Variants in DAB1 observed in about 807,000 individuals in gnomAD.
DAB1 encodes the protein DAB adaptor protein 1, also known as disabled homolog 1.
Under a neutral mutation model 64.6 loss-of-function variants are expected in DAB1, and 15 were observed. The ratio of observed to expected loss-of-function variants is 0.23; its 90% CI spans 0.16 to 0.36. The LOEUF (loss-of-function observed/expected upper bound fraction) is 0.36. Among genes scored for constraint, DAB1 ranks in the 10% least tolerant of loss-of-function variants. The pLI is 1.00. For missense variants in DAB1, 596 were observed against 706.7 expected (o/e 0.84, Z 1.78); for synonymous variants, 235 against 251.9 (o/e 0.93, Z 0.64).
At position 57,583,400 on chromosome 1, in the gene DAB1, C is replaced by T. The variant is rs371341898; in HGVS notation, n.625+66192G>A. ...CTCCCAGGTTCAAGCAATTCTCCTG[C>T]CTCAGCCTCCCAAGTAGCTGGGACT... is the stretch of plus-strand genomic sequence containing the variant. On this transcript the variant is annotated intron_variant and non_coding_transcript_variant, in intron 7 of 20. Coordinates refer to the DAB1 transcript ENST00000485760. Among the ~76,000 whole-genome samples the T allele has an allele frequency of 4.0e-5, 6 of 151,632 alleles. No homozygotes were observed. In the South Asian group the frequency reaches 8.3e-4, roughly 21 times the overall value.
chr1:57,375,015 C>G (rs1022370135), intron 1 of DAB1, among the ~76,000 whole-genome samples: 1 of 152,126 alleles, frequency 6.6e-6, no homozygotes, highest in Non-Finnish European at 1.5e-5. Context: ...TCCAGAATCA[C>G]AAATCATAAC....
intron 6 of DAB1, among the ~76,000 whole-genome samples, chr1:57,820,531 T>C (rs1212396265): frequency 1.3e-5 from 2 of 152,232 alleles, no homozygotes; most frequent in East Asian, 3.9e-4. Flanking sequence ...ACTCTACCTC[T>C]ATTTAAAATC....
At chr1:58,533,119 A>G (rs557699982) in intron 1 of DAB1, among the ~76,000 whole-genome samples, 43 of 152,366 alleles carry the variant, frequency 2.8e-4, no homozygotes, top group African/African-American at 9.6e-4. Context: ...TTTTAAATGA[A>G]TAACAATTTA....
chr1:58,093,218 C>A (rs1184164303), intron 5 of DAB1, among the ~76,000 whole-genome samples: 1 of 152,152 alleles, frequency 6.6e-6, no homozygotes, highest in Non-Finnish European at 1.5e-5. Context: ...TGACAGCTGG[C>A]CATGGGGGCG....
chr1:58,204,240 T>C (rs1485271406), intron 4 of DAB1, among the ~76,000 whole-genome samples: 2 of 152,244 alleles, frequency 1.3e-5, no homozygotes, highest in African/African-American at 2.4e-5. Context: ...ATTGGTTTGG[T>C]TGGGAGGGAG....
At chr1:57,747,707 G>T (rs554538390) in intron 6 of DAB1, among the ~76,000 whole-genome samples, 4 of 151,228 alleles carry the variant, frequency 2.6e-5, no homozygotes, top group African/African-American at 9.7e-5. Context: ...TACTTGGGAG[G>T]GTGAGGCAGG....
chr1:57,859,096 C>T (rs1368171326), intron 1 of DAB1, among the ~76,000 whole-genome samples: 1 of 151,732 alleles, frequency 6.6e-6, no homozygotes, highest in Non-Finnish European at 1.5e-5. Context: ...GAGAACAGAA[C>T]TTCCCTAAGC....
At chr1:57,766,157 A>T (rs1436813134) in intron 6 of DAB1, among the ~76,000 whole-genome samples, 1 of 151,854 alleles carries the variant, frequency 6.6e-6, no homozygotes, top group Non-Finnish European at 1.5e-5. Flanking sequence ...CACCACAGCT[A>T]ATGCTACCAC....
intron 6 of DAB1, among the ~76,000 whole-genome samples, chr1:57,688,970 C>A (rs575455745): frequency 2.6e-5 from 4 of 152,288 alleles, no homozygotes; most frequent in Non-Finnish European, 4.4e-5. Context: ...TGGTACTATG[C>A]TCACTACCTG....
chr1:58,032,090 C>A (rs1054009369), intron 5 of DAB1, among the ~76,000 whole-genome samples: 1 of 151,184 alleles, frequency 6.6e-6, no homozygotes, highest in East Asian at 2.0e-4. Context: ...TATGGACAAG[C>A]AGTATCTGCA....
chr1:57,953,190 C>A (rs1296652565), intron 5 of DAB1, among the ~76,000 whole-genome samples: 1 of 152,202 alleles, frequency 6.6e-6, no homozygotes, highest in Non-Finnish European at 1.5e-5. Flanking sequence ...ATCCCAGCTT[C>A]TTTATCTGAA....
At position 58,300,612 on chromosome 1, in the gene DAB1, G is replaced by GAAAGAAAGAAAGAA. The variant is rs1456432665; in HGVS notation, n.309+42739_309+42740insTTCTTTCTTTCTTT. Among the ~76,000 whole-genome samples the GAAAGAAAGAAAGAA allele has an allele frequency of 4.5e-3, 199 of 44,524 alleles. 1 individual carries two copies. Among genetic ancestry groups the GAAAGAAAGAAAGAA allele is most frequent in the African/African-American group, 0.012 (164 of 13,598 alleles). The allele number at this position is 44,524 out of a possible 152,430, so 29.2% of individuals were successfully genotyped here. On this transcript the variant is annotated intron_variant and non_coding_transcript_variant, in intron 4 of 20. Transcript: ENST00000485760. Reference sequence around the variant, plus strand: ...AGAAAGAAAGAAAGAAAGAAAGAAAGAGAGAGAGAGAGAGAGAGAGAGAGA... The same window carrying GAAAGAAAGAAAGAA: ...AGAAAGAAAGAAAGAAAGAAAGAAAGAAAGAAAGAAAGAAAGAGAGAGAGAGAGAGAGAGAGAGA...
At chr1:58,166,832 G>A (rs574913949) in intron 4 of DAB1, among the ~76,000 whole-genome samples, 12 of 148,566 alleles carry the variant, frequency 8.1e-5, no homozygotes, top group South Asian at 2.1e-4. Flanking sequence ...TGCAACCTCC[G>A]CCCCCCAGGT....
intron 1 of DAB1, among the ~76,000 whole-genome samples, chr1:57,387,935 C>T (rs995254540): frequency 6.6e-6 from 1 of 151,812 alleles, no homozygotes; most frequent in Non-Finnish European, 1.5e-5. Flanking sequence ...TCAACTACAC[C>T]CACCTATGAT....
chr1:57,546,149 GAA>G (rs1359289222), intron 7 of DAB1, among the ~76,000 whole-genome samples: 1 of 151,776 alleles, frequency 6.6e-6, no homozygotes, highest in Non-Finnish European at 1.5e-5. Flanking sequence ...AATGGGGAGA[GAA>G]GAGAAGGTAA....
chr1:57,302,144 G>A (rs190242744), intron 1 of DAB1, among the ~76,000 whole-genome samples: 11 of 152,194 alleles, frequency 7.2e-5, no homozygotes, highest in African/African-American at 1.9e-4. Flanking sequence ...TGTGCTTGAC[G>A]GGAAGCAACC....
chr1:57,277,621 C>T (rs1201428439), intron 2 of DAB1, among the ~76,000 whole-genome samples: 2 of 152,190 alleles, frequency 1.3e-5, no homozygotes, highest in African/African-American at 2.4e-5. Context: ...TTCAGAATGA[C>T]ATTCAATGTC....
intron 6 of DAB1, among the ~76,000 whole-genome samples, chr1:57,804,738 C>A (rs1211630440): frequency 6.6e-6 from 1 of 152,124 alleles, no homozygotes; most frequent in Non-Finnish European, 1.5e-5. Context: ...AAGGAATATC[C>A]AATTAGAGGC....
rs1412592006 is a variant in DAB1 at position 57,392,365 on chromosome 1, G to C, written c.-137+31565C>G. 5.3e-5 allele frequency among the ~76,000 whole-genome samples: 8 copies of C among 152,190 alleles called. No individual in the cohort carries two copies. In the South Asian group the frequency reaches 6.2e-4, roughly 12 times the overall value. ...TCAGCCTGGGTGACAGAGCGAGACTGTCTCAAAACAACAACAACAACGACA... is the reference window on the plus strand; with the variant it reads ...TCAGCCTGGGTGACAGAGCGAGACTCTCTCAAAACAACAACAACAACGACA... On this transcript the variant is annotated intron_variant, in intron 1 of 14. Transcript: ENST00000371236.
Sources: allele counts gnomAD v4.1 joint callset (sites outside exome capture counted in the v4.1 genomes callset), GRCh38; gene constraint gnomAD v4.1.1; transcripts MANE v1.5; gene names NCBI Gene and HGNC (gene_info 2026-07-23, HGNC 2026-07-21).